Variants in SEC13 observed in about 807,000 individuals in gnomAD.
SEC13 encodes SEC13 homolog, nuclear pore and COPII component.
SEC13 carries 25 observed loss-of-function variants against 49.2 expected under a neutral mutation model. The observed-to-expected ratio is 0.51, with a 90% CI of 0.37 to 0.71. The LOEUF (loss-of-function observed/expected upper bound fraction) is 0.71, where lower values mean the gene tolerates loss of function less well. SEC13 is among the 30% of genes least tolerant of loss of function. SEC13 has a pLI of 0.00. For missense variants in SEC13, 383 were observed against 417.6 expected, an observed-to-expected ratio of 0.92 and a Z score of 0.72; for synonymous variants, 148 against 163.9, an observed-to-expected ratio of 0.90 and a Z score of 0.74.
intron 5 of SEC13, among the ~76,000 whole-genome samples, chr3:10,309,232 C>T (rs548820030): frequency 1.7e-4 from 26 of 152,160 alleles, no homozygotes; most frequent in Middle Eastern, 3.4e-3. Flanking sequence ...CCACTGCGCC[C>T]GGCTGATATT....
At chr3:10,318,492 C>G (rs1244314243) in intron 1 of SEC13, among the ~76,000 whole-genome samples, 1 of 151,692 alleles carries the variant, frequency 6.6e-6, no homozygotes, top group African/African-American at 2.4e-5. Context: ...ACAAAGAGGT[C>G]TGAGAGAGCC....
intron 5 of SEC13, 141 bp from the exon 6 acceptor site, chr3:10,305,833 C>G: frequency 2.5e-6 from 2 of 805,076 alleles, no homozygotes; most frequent in Non-Finnish European, 3.9e-6. Flanking sequence ...TCATGGGGTC[C>G]ACTGCTCAGA....
At chr3:10,303,927 C>G (rs1286374551) in intron 8 of SEC13, 99 bp downstream of exon 8, 1 of 1,368,822 alleles carries the variant, frequency 7.3e-7, no homozygotes, top group South Asian at 1.2e-5. Context: ...AGGCTCCTGC[C>G]CAGCCTGCAG....
chr3:10,302,249 CAAAA>C (rs1043342680), intron 8 of SEC13, among the ~76,000 whole-genome samples: 7 of 151,968 alleles, frequency 4.6e-5, no homozygotes, highest in Non-Finnish European at 7.4e-5. Flanking sequence ...AAAAACAAAA[CAAAA>C]AACAAAAACA....
At chr3:10,312,126 C>T in intron 4 of SEC13, 28 bp from the exon 5 acceptor site, 1 of 1,567,694 alleles carries the variant, frequency 6.4e-7, no homozygotes, top group African/African-American at 1.4e-5. Flanking sequence ...GTGCAGTGAG[C>T]AAAGCAGGGA....
Position 10,318,102 on chromosome 3 carries a change from C to A in SEC13, c.4-8G>T, listed in dbSNP as rs779039572. ...AGTGTTAATTACTGACACCTAGAAC[C>A]AAAGATATCACTGGTAAATTAACTC... On this transcript the variant is annotated splice_polypyrimidine_tract_variant and splice_region_variant and intron_variant, in intron 1 of 8. Coordinates refer to ENST00000350697, the MANE Select transcript of SEC13 (RefSeq NM_183352.3). The A allele has an allele frequency of 6.3e-7, 1 of 1,589,424 alleles. No homozygotes were observed.
chr3:10,320,738 G>A (rs1559504069), intron 1 of SEC13: 9 of 1,229,166 alleles, frequency 7.3e-6, no homozygotes, highest in Non-Finnish European at 9.1e-6. Flanking sequence ...CAATGCTGAG[G>A]GCTCGGTATA....
intron 4 of SEC13, among the ~76,000 whole-genome samples, 200 bp downstream of exon 4, chr3:10,312,379 T>G (rs1308944270): frequency 6.6e-6 from 1 of 152,240 alleles, no homozygotes; most frequent in Admixed American, 6.5e-5. Context: ...GAAACTCACC[T>G]GTCTTTTCTT....
At chr3:10,308,028 T>C (rs1286360667) in intron 5 of SEC13, among the ~76,000 whole-genome samples, 2 of 152,256 alleles carry the variant, frequency 1.3e-5, no homozygotes, top group Non-Finnish European at 2.9e-5. Flanking sequence ...TTCTTGCATA[T>C]TGATAATAGT....
chr3:10,319,761 T>TGAGAGAGAGAGAGAGA (rs34434283), intron 1 of SEC13, among the ~76,000 whole-genome samples: 2 of 45,512 alleles, frequency 4.4e-5, no homozygotes, highest in Non-Finnish European at 3.3e-5. Context: ...CACTTCTGAA[T>TGAGAGAGAGAGAGAGA]GAGAGAGAGA....
At chr3:10,304,818 G>T (rs954218572) in intron 7 of SEC13, among the ~76,000 whole-genome samples, 4 of 152,194 alleles carry the variant, frequency 2.6e-5, no homozygotes, top group Admixed American at 2.0e-4. Flanking sequence ...CTTGGTGCCG[G>T]TTCTGTTGTA....
intron 2 of SEC13, 46 bp downstream of exon 2, chr3:10,318,004 A>ATG: frequency 7.4e-7 from 1 of 1,352,198 alleles, no homozygotes; most frequent in Non-Finnish European, 1.1e-6. Flanking sequence ...TCCCACAAAA[A>ATG]TGCCCATGTC....
chr3:10,312,752 A>G, intron 3 of SEC13, 22 bp from the exon 4 acceptor site: 1 of 1,613,826 alleles, frequency 6.2e-7, no homozygotes, highest in South Asian at 1.1e-5. Context: ...GAGATAGGCC[A>G]GAGGAACCCA....
At chr3:10,306,717 T>C (rs567253638) in intron 5 of SEC13, among the ~76,000 whole-genome samples, 28 of 152,306 alleles carry the variant, frequency 1.8e-4, no homozygotes, top group Admixed American at 8.5e-4. Flanking sequence ...GCTGTTCTCA[T>C]GATAGTGAAT....
At chr3:10,306,732 C>G (rs929747661) in intron 5 of SEC13, among the ~76,000 whole-genome samples, 11 of 152,152 alleles carry the variant, frequency 7.2e-5, no homozygotes, top group African/African-American at 1.2e-4. Context: ...GTGAATAAGT[C>G]TCGCTAGATC....
intron 1 of SEC13, chr3:10,319,060 T>G: frequency 7.5e-7 from 1 of 1,332,150 alleles, no homozygotes; most frequent in South Asian, 1.5e-5. Flanking sequence ...TTTTCTTTGC[T>G]CAACCACTCT....
intron 5 of SEC13, among the ~76,000 whole-genome samples, chr3:10,308,849 C>G (rs1471341595): frequency 8.6e-6 from 1 of 115,644 alleles, no homozygotes; most frequent in Non-Finnish European, 1.7e-5. Context: ...CCAGGTTGGT[C>G]TTGAACTCCT....
chr3:10,301,467 G>A, intron 8 of SEC13, 93 bp from the exon 9 acceptor site: 3 of 1,511,552 alleles, frequency 2.0e-6, no homozygotes, highest in Non-Finnish European at 2.7e-6. Context: ...AAGAACCACT[G>A]CCCAGAGGCT....
chr3:10,314,565 AT>A (rs200596519), intron 3 of SEC13, among the ~76,000 whole-genome samples: 2,000 of 152,244 alleles, frequency 0.013, 19 homozygotes, highest in Middle Eastern at 0.044. Context: ...CTGAAAATGC[AT>A]TTTTTTCCCC....
Sources: allele counts gnomAD v4.1 joint callset (sites outside exome capture counted in the v4.1 genomes callset), GRCh38; gene constraint gnomAD v4.1.1; transcripts MANE v1.5; gene names NCBI Gene and HGNC (gene_info 2026-07-23, HGNC 2026-07-21).